Variants in TTC23 observed in about 807,000 individuals in gnomAD.
TTC23 encodes the protein tetratricopeptide repeat domain 23, also known as tetratricopeptide repeat protein 23.
TTC23 carries 58 observed loss-of-function variants against 55.1 expected under a neutral mutation model. The ratio of observed to expected loss-of-function variants is 1.05; its 90% CI spans 0.85 to 1.31. The LOEUF (loss-of-function observed/expected upper bound fraction) is 1.31, where lower values mean the gene tolerates loss of function less well. Ranked by LOEUF, TTC23 falls within the 50% of genes most tolerant of loss-of-function variation. The pLI is 0.00. For synonymous variants in TTC23, 203 were observed against 199.9 expected (o/e 1.02, Z -0.13); for missense variants, 516 against 534.4 (o/e 0.97, Z 0.34).
At chr15:99,152,756 C>T (rs564756408) in intron 12 of TTC23, among the ~76,000 whole-genome samples, 4 of 152,182 alleles carry the variant, frequency 2.6e-5, no homozygotes, top group African/African-American at 4.8e-5. Flanking sequence ...TTAATATACA[C>T]GAATCACTTA....
chr15:99,145,674 C>G (rs914991577), intron 12 of TTC23, among the ~76,000 whole-genome samples: 4 of 151,618 alleles, frequency 2.6e-5, no homozygotes, highest in Admixed American at 6.6e-5. Context: ...GTCTATGTCT[C>G]TCTCTCTGTC....
chr15:99,216,077 C>A (rs1235016385), intron 8 of TTC23, among the ~76,000 whole-genome samples: 4 of 152,022 alleles, frequency 2.6e-5, no homozygotes, highest in Non-Finnish European at 5.9e-5. Flanking sequence ...CTCCTCTCAC[C>A]CCAACAAAAT....
chr15:99,166,318 C>T (rs1338192571), intron 10 of TTC23, among the ~76,000 whole-genome samples: 1 of 152,200 alleles, frequency 6.6e-6, no homozygotes, highest in African/African-American at 2.4e-5. Context: ...CCTGTTTGGG[C>T]TGGTCCTCTC....
intron 10 of TTC23, among the ~76,000 whole-genome samples, chr15:99,174,405 T>C (rs1293823758): frequency 6.6e-6 from 1 of 151,788 alleles, no homozygotes; most frequent in Non-Finnish European, 1.5e-5. Context: ...TCTGATATCT[T>C]GGAATACACC....
chr15:99,146,728 T>C (rs781956181), intron 12 of TTC23, among the ~76,000 whole-genome samples: 9 of 152,206 alleles, frequency 5.9e-5, no homozygotes, highest in Non-Finnish European at 1.2e-4. Flanking sequence ...CTGTGTACAC[T>C]ACAAATCAAG....
intron 12 of TTC23, among the ~76,000 whole-genome samples, chr15:99,152,086 A>G: frequency 6.6e-6 from 1 of 152,196 alleles, no homozygotes. Context: ...GGGATTTCTC[A>G]TGAATGTTTA....
At position 99,194,009 on chromosome 15, in the gene TTC23, C is replaced by CA. The variant is rs111912962; in HGVS notation, c.759+5909dup. ...GGGTGGCAAGAGCAAGACTCTATCT[C>CA]AAAAAAAAAAAAAAGTTTTAATGTT... On this transcript the variant is annotated intron_variant, in intron 9 of 13. Coordinates refer to ENST00000394132, the MANE Select transcript of TTC23 (RefSeq NM_001288615.3). Among the ~76,000 whole-genome samples, 937 of 129,122 alleles carry CA rather than the reference C, an allele frequency of 7.3e-3. 8 individuals carry two copies. The highest frequency in any genetic ancestry group is 0.021 in the African/African-American group (722 of 34,932). 84.7% of individuals were successfully genotyped at this position (129,122 alleles called of 152,430 possible). A position where few individuals can be genotyped will look rare whatever the true frequency, so the allele number is the denominator to read the frequency against.
At chr15:99,175,577 A>G (rs1424658259) in intron 9 of TTC23, among the ~76,000 whole-genome samples, 1 of 152,264 alleles carries the variant, frequency 6.6e-6, no homozygotes, top group African/African-American at 2.4e-5. Flanking sequence ...GTCTCCCCAC[A>G]GATATACAGA....
chr15:99,216,693 C>T lies in TTC23; in HGVS notation c.581+1895G>A, dbSNP rs1340693417. 1.1e-4 allele frequency among the ~76,000 whole-genome samples: 17 copies of T among 152,260 alleles called. No individual in the cohort carries two copies. The East Asian group carries it at 2.3e-3, about 21-fold the overall frequency. On this transcript the variant is annotated intron_variant, in intron 8 of 13. Coordinates refer to ENST00000394132, the MANE Select transcript of TTC23 (RefSeq NM_001288615.3). The stretch of plus-strand genomic sequence containing the variant: ...ATAATTAGATAGCACGTTATATGCA[C>T]CAGGTTGGCAAAGATTAACAAAGTC...
chr15:99,232,854 T>C (rs1484299244), intron 4 of TTC23, among the ~76,000 whole-genome samples: 4 of 152,222 alleles, frequency 2.6e-5, no homozygotes, highest in Non-Finnish European at 4.4e-5. Context: ...ATTGCAGCAT[T>C]ATTGACAATG....
intron 13 of TTC23, among the ~76,000 whole-genome samples, chr15:99,138,516 G>A (rs923234567): frequency 2.6e-5 from 4 of 152,168 alleles, no homozygotes; most frequent in Non-Finnish European, 5.9e-5. Flanking sequence ...GTTTTGCCAT[G>A]TTGGCCAGTC....
chr15:99,181,173 T>G lies in TTC23; in HGVS notation c.760-6018A>C, dbSNP rs186363379. 7.1e-4 allele frequency among the ~76,000 whole-genome samples: 108 copies of G among 152,352 alleles called. 1 individual carries two copies. The highest frequency in any genetic ancestry group is 1.0e-3 in the Non-Finnish European group (69 of 68,028). Reference sequence around the variant, plus strand: ...CAGACTAAGGCCTGTCATTCCAAACTGCATACTTTTCCAGTCTAACACTTG... The same window carrying G: ...CAGACTAAGGCCTGTCATTCCAAACGGCATACTTTTCCAGTCTAACACTTG... On this transcript the variant is annotated intron_variant, in intron 9 of 13. Transcript: ENST00000394132.
intron 1 of TTC23, 113 bp downstream of exon 1, chr15:99,249,058 T>C (rs938232228): frequency 2.0e-4 from 30 of 152,154 alleles, no homozygotes; most frequent in African/African-American, 7.0e-4. Context: ...CATATAAAAA[T>C]TACAATATTA....
At chr15:99,249,825 T>A (rs754104644), upstream of TTC23, 2 of 152,166 alleles carry the variant, frequency 1.3e-5, no homozygotes. Context: ...AACGTGCGAA[T>A]TGATTCTCTA....
At chr15:99,230,160 T>C (rs28775415) in intron 4 of TTC23, among the ~76,000 whole-genome samples, 3,104 of 152,244 alleles carry the variant, frequency 0.02, 93 homozygotes, top group African/African-American at 0.07. Context: ...AATAATTGTA[T>C]TCTATATGTT....
At chr15:99,190,493 A>T (rs545207126) in intron 9 of TTC23, among the ~76,000 whole-genome samples, 1 of 152,264 alleles carries the variant, frequency 6.6e-6, no homozygotes, top group East Asian at 1.9e-4. Flanking sequence ...AAAAGACATG[A>T]TATATTGAAC....
intron 9 of TTC23, among the ~76,000 whole-genome samples, chr15:99,197,011 C>T (rs1490700804): frequency 6.6e-6 from 1 of 152,188 alleles, no homozygotes; most frequent in Non-Finnish European, 1.5e-5. Context: ...CTTGTCTTCC[C>T]CCAAAAGCAT....
At chr15:99,188,137 G>T (rs1358078492) in intron 9 of TTC23, among the ~76,000 whole-genome samples, 5 of 151,986 alleles carry the variant, frequency 3.3e-5, no homozygotes, top group African/African-American at 1.2e-4. Context: ...AGGTGAATCT[G>T]TATAATGGAA....
chr15:99,242,872 A>G (rs181267753), intron 2 of TTC23, among the ~76,000 whole-genome samples: 24 of 151,886 alleles, frequency 1.6e-4, no homozygotes, highest in Non-Finnish European at 3.2e-4. Context: ...AGACTTAAAT[A>G]TAAGACCTGA....
Sources: allele counts gnomAD v4.1 joint callset (sites outside exome capture counted in the v4.1 genomes callset), GRCh38; gene constraint gnomAD v4.1.1; transcripts MANE v1.5; gene names NCBI Gene and HGNC (gene_info 2026-07-23, HGNC 2026-07-21).